MARCO: variants seen among roughly 807,000 people sequenced by gnomAD.
MARCO encodes macrophage receptor with collagenous structure.
In MARCO, 72 loss-of-function variants were observed where a neutral mutation model predicts 70.0. The observed-to-expected ratio is 1.03, with a 90% CI of 0.85 to 1.25. The LOEUF is 1.25. Ranked by LOEUF, MARCO falls within the 50% of genes most tolerant of loss-of-function variation. MARCO has a pLI of 0.00. For missense variants in MARCO, 696 were observed against 659.3 expected (o/e 1.06, Z -0.61); for synonymous variants, 273 against 243.1 (o/e 1.12, Z -1.14).
chr2:118,952,417 G>T (rs532570047), intron 1 of MARCO, among the ~76,000 whole-genome samples: 6 of 152,136 alleles, frequency 3.9e-5, no homozygotes, highest in African/African-American at 7.2e-5. Context: ...GGCAGGATCC[G>T]CCCTAAGCCA....
intron 16 of MARCO, among the ~76,000 whole-genome samples, chr2:118,994,172 A>G (rs966733059): frequency 6.8e-6 from 1 of 147,876 alleles, no homozygotes; most frequent in Non-Finnish European, 1.5e-5. Context: ...AGAGAATAGA[A>G]CGGAGGCAAA....
At chr2:118,994,203 A>G (rs1680678194) in intron 16 of MARCO, among the ~76,000 whole-genome samples, 184 bp from the exon 17 acceptor site, 1 of 150,856 alleles carries the variant, frequency 6.6e-6, no homozygotes, top group African/African-American at 2.5e-5. Flanking sequence ...AAACAACAAC[A>G]ACAACAACAA....
chr2:118,969,948 G>T (rs1185737382), intron 2 of MARCO, among the ~76,000 whole-genome samples, 166 bp from the exon 3 acceptor site: 3 of 152,156 alleles, frequency 2.0e-5, no homozygotes, highest in African/African-American at 7.2e-5. Flanking sequence ...AGCGCACATG[G>T]TCAAGATGTA....
rs1330491808 is a variant in MARCO at position 118,977,519 on chromosome 2, A to G, written c.658+4A>G. 6.2e-7 allele frequency: 1 copy of G among 1,613,518 alleles called. No individual in the cohort carries two copies. Among genetic ancestry groups the G allele is most frequent in the African/African-American group, 1.3e-5 (1 of 74,860 alleles). ...CCAGGGAAGCAAGGAGCCACTGGTA[A>G]CTTGTACTTGCTCTGCTAGGGACAA... is the stretch of plus-strand genomic sequence containing the variant. On this transcript the variant is annotated splice_donor_region_variant and intron_variant, in intron 7 of 16. Transcript: ENST00000327097.
chr2:118,993,621 T>A (rs1680665971), intron 16 of MARCO, among the ~76,000 whole-genome samples: 1 of 151,992 alleles, frequency 6.6e-6, no homozygotes, highest in Non-Finnish European at 1.5e-5. Context: ...GACAGCTGAG[T>A]TGATGCAACT....
chr2:118,962,800 T>C (rs887559017), intron 1 of MARCO, among the ~76,000 whole-genome samples: 4 of 152,116 alleles, frequency 2.6e-5, no homozygotes, highest in Non-Finnish European at 5.9e-5. Context: ...ATTATAGATA[T>C]TCAGATTATC....
At chr2:118,970,551 C>T (rs72960653) in intron 3 of MARCO, among the ~76,000 whole-genome samples, 2,528 of 152,250 alleles carry the variant, frequency 0.017, 64 homozygotes, top group African/African-American at 0.056. Context: ...GAGCCTGGGG[C>T]GGTTCCCTGG....
At chr2:118,968,392 C>T (rs572186273) in intron 1 of MARCO, among the ~76,000 whole-genome samples, 9 of 152,118 alleles carry the variant, frequency 5.9e-5, no homozygotes, top group African/African-American at 9.7e-5. Context: ...AAAATGTCCA[C>T]GAAAATCTTT....
intron 1 of MARCO, among the ~76,000 whole-genome samples, chr2:118,966,725 T>C (rs1476975538): frequency 1.3e-5 from 2 of 152,204 alleles, no homozygotes; most frequent in Non-Finnish European, 2.9e-5. Context: ...GCCTCTGACT[T>C]CTGTAATACC....
chr2:118,955,251 T>TA (rs143017553), intron 1 of MARCO, among the ~76,000 whole-genome samples: 6,477 of 151,764 alleles, frequency 0.043, 476 homozygotes, highest in African/African-American at 0.15. Context: ...ATAGTTTAAA[T>TA]AAAAAAACAA....
At chr2:118,969,578 C>T (rs771628664) in intron 2 of MARCO, among the ~76,000 whole-genome samples, 1 of 152,216 alleles carries the variant, frequency 6.6e-6, no homozygotes. Context: ...GACTCCCAGC[C>T]TCTGAGTGGG....
At chr2:118,993,323 G>C in intron 16 of MARCO, 23 bp downstream of exon 16, 2 of 1,612,452 alleles carry the variant, frequency 1.2e-6, no homozygotes, top group Non-Finnish European at 1.7e-6. Context: ...TCAGCCGGGG[G>C]CCTCTTCCCC....
chr2:118,982,312 C>G, intron 11 of MARCO, 36 bp from the exon 12 acceptor site: 1 of 1,612,870 alleles, frequency 6.2e-7, no homozygotes, highest in Non-Finnish European at 8.5e-7. Flanking sequence ...CCTGCCTAGT[C>G]CAGCCCTTAT....
chr2:118,946,938 G>C (rs994378949), intron 1 of MARCO, among the ~76,000 whole-genome samples: 19 of 152,106 alleles, frequency 1.2e-4, no homozygotes, highest in African/African-American at 4.3e-4. Flanking sequence ...CTTCTCATGT[G>C]CTTAAATACC....
At position 118,974,497 on chromosome 2, in the gene MARCO, C is replaced by T. The variant is rs771735620; in HGVS notation, c.569-24C>T. Reference sequence around the variant, plus strand: ...TTTTCCTCCTCCTTCTCTGGCTTCACTCTGAATTCCCTTTCCCTTCCAGGC... The same window carrying T: ...TTTTCCTCCTCCTTCTCTGGCTTCATTCTGAATTCCCTTTCCCTTCCAGGC... On this transcript the variant is annotated intron_variant, in intron 5 of 16. Coordinates refer to ENST00000327097, the MANE Select transcript of MARCO (RefSeq NM_006770.4). The T allele has an allele frequency of 8.1e-6, 13 of 1,613,906 alleles. 1 individual carries two copies. In the South Asian group the frequency reaches 1.2e-4, roughly 15 times the overall value.
intron 12 of MARCO, among the ~76,000 whole-genome samples, chr2:118,982,706 C>T (rs1429189899): frequency 6.6e-6 from 1 of 152,156 alleles, no homozygotes; most frequent in East Asian, 1.9e-4. Flanking sequence ...GTCTGCCTCC[C>T]AGCTGTACGT....
At chr2:118,952,809 G>C (rs1172737376) in intron 1 of MARCO, 1 of 152,164 alleles carries the variant, frequency 6.6e-6, no homozygotes, top group East Asian at 1.9e-4. Flanking sequence ...CCCCGGAGGA[G>C]AATGTATCCC....
chr2:118,950,105 C>T (rs1679691104), intron 1 of MARCO, among the ~76,000 whole-genome samples: 1 of 152,114 alleles, frequency 6.6e-6, no homozygotes, highest in South Asian at 2.1e-4. Context: ...AGCCAAACAC[C>T]ATTTTATATT....
At chr2:118,975,405 G>C (rs978921644) in intron 6 of MARCO, among the ~76,000 whole-genome samples, 15 of 152,240 alleles carry the variant, frequency 9.9e-5, no homozygotes, top group Non-Finnish European at 2.1e-4. Context: ...AAGCCGCCAG[G>C]CTGCTGAGGC....
Sources: gnomAD v4.1 joint callset for allele counts (sites outside exome capture counted in the v4.1 genomes callset) on GRCh38, gnomAD v4.1.1 for gene constraint, MANE v1.5 for transcripts, NCBI Gene and HGNC (gene_info 2026-07-23, HGNC 2026-07-21) for gene names.